Variants in SHISA9 observed in about 807,000 individuals in gnomAD.
SHISA9 encodes protein shisa-9.
SHISA9 carries 13 observed loss-of-function variants against 38.0 expected under a neutral mutation model. The observed-to-expected ratio is 0.34, with a 90% confidence interval of 0.22 to 0.54. SHISA9 has a LOEUF of 0.54. SHISA9 is among the 20% of genes least tolerant of loss of function. The probability of loss-of-function intolerance (pLI) is 0.91; values close to 1 mark genes in which losing one functional copy is unlikely to be tolerated. For synonymous variants in SHISA9, 275 were observed against 242.0 expected (o/e 1.14, Z -1.27); for missense variants, 538 against 575.8 (o/e 0.93, Z 0.67).
intron 2 of SHISA9, among the ~76,000 whole-genome samples, chr16:13,045,597 TGAGGGAGAGGGAGAGGGAGAGGGA>T (rs56045222): frequency 5.6e-5 from 8 of 143,534 alleles, no homozygotes; most frequent in Non-Finnish European, 9.0e-5. Context: ...TTACAGATGA[TGAGGGAGAGGGAGAGGGAGAGGGA>T]GAGGGAGAGG....
intron 3 of SHISA9, among the ~76,000 whole-genome samples, chr16:13,209,567 A>G (rs1015536478): frequency 1.3e-5 from 2 of 152,236 alleles, no homozygotes; most frequent in Non-Finnish European, 2.9e-5. Context: ...CCATCAGGGA[A>G]CTATTCTTTT....
intron 2 of SHISA9, among the ~76,000 whole-genome samples, chr16:13,150,040 A>AAC (rs2050484372): frequency 6.7e-6 from 1 of 149,090 alleles, no homozygotes; most frequent in Non-Finnish European, 1.5e-5. Context: ...TAAAAAAAAA[A>AAC]AAAAAAAAAA....
the SHISA9 span, among the ~76,000 whole-genome samples, chr16:13,390,376 T>C: frequency 6.6e-6 from 1 of 152,294 alleles, no homozygotes; most frequent in Non-Finnish European, 1.5e-5. Flanking sequence ...TGGGCCTGTC[T>C]ATCTCGGCTC....
At chr16:13,496,621 C>G in the SHISA9 span, among the ~76,000 whole-genome samples, 1 of 151,840 alleles carries the variant, frequency 6.6e-6, no homozygotes, top group African/African-American at 2.4e-5. Flanking sequence ...CGATTGCTTA[C>G]TTAGAAACAA....
chr16:13,182,664 A>T (rs1157147171), intron 2 of SHISA9, among the ~76,000 whole-genome samples: 2 of 152,224 alleles, frequency 1.3e-5, no homozygotes, highest in Non-Finnish European at 2.9e-5. Flanking sequence ...ATTGCTGTGT[A>T]CTGAACCACT....
At chr16:13,556,045 G>A in the SHISA9 span, among the ~76,000 whole-genome samples, 3 of 152,148 alleles carry the variant, frequency 2.0e-5, no homozygotes, top group African/African-American at 7.2e-5. Flanking sequence ...ATGTAGATGA[G>A]ATGAGCTATG....
chr16:12,901,962 CG>C lies in SHISA9; in HGVS notation c.-102del. The C allele has an allele frequency of 9.8e-7, 1 of 1,024,868 alleles. No homozygotes were observed. The highest frequency in any genetic ancestry group is 1.3e-6 in the Non-Finnish European group (1 of 788,530). The allele number at this position is 1,024,868 out of a possible 1,614,324, so 63.5% of individuals were successfully genotyped here. A position where few individuals can be genotyped will look rare whatever the true frequency, so the allele number is the denominator to read the frequency against. ...CCTGCATGTGCGGCCCGCGGCGGCT[CG>C]CAGCTCCCGGCAGCAGCCTCGGCAG... On this transcript the variant is annotated 5_prime_UTR_variant, in exon 1 of 5. Coordinates refer to ENST00000558583, the MANE Select transcript of SHISA9 (RefSeq NM_001145204.3).
intron 2 of SHISA9, among the ~76,000 whole-genome samples, chr16:13,101,682 A>G (rs188087076): frequency 6.6e-6 from 1 of 152,164 alleles, no homozygotes; most frequent in Non-Finnish European, 1.5e-5. Context: ...TTTTATTTCT[A>G]ATTTTTTGAG....
chr16:13,285,044 T>C, the SHISA9 span, among the ~76,000 whole-genome samples: 2 of 152,148 alleles, frequency 1.3e-5, no homozygotes, highest in Admixed American at 6.6e-5. Flanking sequence ...CCCAGGCCGG[T>C]TTTTGGTATT....
chr16:13,393,248 C>T, the SHISA9 span, among the ~76,000 whole-genome samples: 1 of 152,208 alleles, frequency 6.6e-6, no homozygotes, highest in Non-Finnish European at 1.5e-5. Context: ...CCTGTGCAGT[C>T]ACACAGGGCC....
At chr16:13,232,686 C>T (rs1374304794) in intron 4 of SHISA9, among the ~76,000 whole-genome samples, 3 of 152,048 alleles carry the variant, frequency 2.0e-5, no homozygotes, top group Admixed American at 6.6e-5. Context: ...TGGGACAATT[C>T]GAAGGGGATG....
chr16:13,304,125 A>G, the SHISA9 span, among the ~76,000 whole-genome samples: 1 of 152,084 alleles, frequency 6.6e-6, no homozygotes, highest in African/African-American at 2.4e-5. Context: ...CTCTCCATCC[A>G]TTTCTCCAAC....
the SHISA9 span, among the ~76,000 whole-genome samples, chr16:13,551,354 A>G: frequency 1.3e-5 from 2 of 152,214 alleles, no homozygotes; most frequent in African/African-American, 4.8e-5. Context: ...ACACACACCT[A>G]TAAGCACATA....
chr16:13,205,869 C>T (rs2051058695), intron 3 of SHISA9, among the ~76,000 whole-genome samples: 1 of 152,028 alleles, frequency 6.6e-6, no homozygotes, highest in South Asian at 2.1e-4. Context: ...TCAAGTGATT[C>T]TCCTGCCTCA....
chr16:13,262,658 A>AAGGAAGGGAGGGAGGG, the SHISA9 span, among the ~76,000 whole-genome samples: 25 of 51,862 alleles, frequency 4.8e-4, no homozygotes, highest in South Asian at 2.2e-3. Flanking sequence ...GGAAGGAAGG[A>AAGGAAGGGAGGGAGGG]AGGAAGGAAG....
the SHISA9 span, among the ~76,000 whole-genome samples, chr16:13,337,635 A>T: frequency 5.3e-5 from 8 of 152,122 alleles, no homozygotes; most frequent in African/African-American, 9.7e-5. Flanking sequence ...TGCAAATTTT[A>T]AAAAAAGTAC....
intron 2 of SHISA9, among the ~76,000 whole-genome samples, chr16:12,968,557 C>T (rs2072011657): frequency 6.6e-6 from 1 of 152,164 alleles, no homozygotes; most frequent in African/African-American, 2.4e-5. Flanking sequence ...GCTTTGTAAT[C>T]GTAAAATGAA....
At chr16:12,955,870 C>T (rs994101630) in intron 2 of SHISA9, among the ~76,000 whole-genome samples, 9 of 151,970 alleles carry the variant, frequency 5.9e-5, no homozygotes, top group Non-Finnish European at 1.3e-4. Context: ...GATGAAGACC[C>T]AAAAAGCCAA....
chr16:13,176,710 C>T (rs1373688407), intron 2 of SHISA9, among the ~76,000 whole-genome samples: 4 of 151,656 alleles, frequency 2.6e-5, no homozygotes, highest in Non-Finnish European at 4.4e-5. Flanking sequence ...TTTTTTTTCC[C>T]CAAGAAGTAA....
Sources: allele counts gnomAD v4.1 joint callset (sites outside exome capture counted in the v4.1 genomes callset), GRCh38; gene constraint gnomAD v4.1.1; transcripts MANE v1.5; gene names NCBI Gene and HGNC (gene_info 2026-07-23, HGNC 2026-07-21).